The following PCDHA8 variants were observed in gnomAD, a reference collection of about 807,000 sequenced individuals.
PCDHA8 encodes protocadherin alpha-8.
PCDHA8 carries 53 observed loss-of-function variants against 61.8 expected under a neutral mutation model. The ratio of observed to expected loss-of-function variants is 0.86; its 90% CI spans 0.69 to 1.08. The LOEUF is 1.08. Among genes scored for constraint, PCDHA8 ranks in the 50% least tolerant of loss-of-function variants. The pLI is 0.00. For missense variants in PCDHA8, 1,293 were observed against 1,245.0 expected, an observed-to-expected ratio of 1.04 and a Z score of -0.58; for synonymous variants, 618 against 556.6, an observed-to-expected ratio of 1.11 and a Z score of -1.55.
chr5:140,883,960 G>A (rs2059914384), intron 1 of PCDHA8: 1 of 1,613,090 alleles, frequency 6.2e-7, no homozygotes. Context: ...ACGCTCCGGC[G>A]CTGCTGACGC....
At chr5:140,877,374 A>C in intron 1 of PCDHA8, 1 of 1,613,970 alleles carries the variant, frequency 6.2e-7, no homozygotes, top group Non-Finnish European at 8.5e-7. Context: ...TCAGCACGAC[A>C]CGCATCCTGG....
chr5:140,928,276 G>A (rs2153595075), intron 1 of PCDHA8: 2 of 1,614,172 alleles, frequency 1.2e-6, no homozygotes, highest in South Asian at 1.1e-5. Context: ...TGGCCCTGGG[G>A]CCTCTCTAGG....
In PCDHA8 at chr5:140,926,166, C is replaced by G. The variant is rs116217295; in HGVS notation, c.2395-52783C>G. 1.9e-3 allele frequency among the ~76,000 whole-genome samples: 292 copies of G among 151,864 alleles called. 1 individual carries two copies. The highest frequency in any genetic ancestry group is 6.7e-3 in the African/African-American group (280 of 41,552). ...AGCGCGGAAAGCTCTGCAGCAGGAT[C>G]CAGCGCGGAAAGCCCCCCGCAGCAC... On this transcript the variant is annotated intron_variant, in intron 1 of 3. Coordinates refer to ENST00000531613, the MANE Select transcript of PCDHA8 (RefSeq NM_018911.3).
chr5:140,922,722 T>C (rs2153565730), intron 1 of PCDHA8, among the ~76,000 whole-genome samples: 1 of 151,972 alleles, frequency 6.6e-6, no homozygotes, highest in Non-Finnish European at 1.5e-5. Context: ...AAAGAAACAC[T>C]TGACAAGGTT....
chr5:140,885,945 TA>T (rs2060787135), intron 1 of PCDHA8, among the ~76,000 whole-genome samples: 1 of 152,206 alleles, frequency 6.6e-6, no homozygotes, highest in Non-Finnish European at 1.5e-5. Flanking sequence ...TTGACATTTT[TA>T]ATTAAAATTT....
chr5:140,929,077 A>C, intron 1 of PCDHA8: 1 of 1,614,168 alleles, frequency 6.2e-7, no homozygotes, highest in Non-Finnish European at 8.5e-7. Flanking sequence ...GAGGTATGGA[A>C]GTAAGATGGT....
chr5:140,843,512 G>C lies in PCDHA8; in HGVS notation c.2191G>C (p.Gly731Arg), dbSNP rs2150361484. The C allele has an allele frequency of 5.6e-6, 9 of 1,595,848 alleles. No individual in the cohort carries two copies. The highest frequency in any genetic ancestry group is 7.7e-6 in the Non-Finnish European group (9 of 1,165,572). Residue 731 changes from glycine to arginine, a missense_variant, in exon 1 of 4, where the codon GGG (glycine) becomes CGG (arginine). By Grantham distance (125) the Gly-to-Arg change is moderately radical (BLOSUM62 -2). Transcript: ENST00000531613. The part of the protein sequence containing the change: ...LRCSALPTEG[G>R]CRAGKPTLVC... ...GTGCTCAGCACTGCCCACTGAGGGC[G>C]GGTGCCGGGCGGGCAAGCCCACTCT...
intron 1 of PCDHA8, among the ~76,000 whole-genome samples, chr5:140,964,393 C>T (rs782008532): frequency 6.6e-6 from 1 of 152,098 alleles, no homozygotes; most frequent in Admixed American, 6.5e-5. Context: ...GTTTTTCTCC[C>T]AAGACATGAC....
At chr5:140,870,912 C>T (rs1554164817) in intron 1 of PCDHA8, 1 of 1,613,952 alleles carries the variant, frequency 6.2e-7, no homozygotes, top group Admixed American at 1.7e-5. Flanking sequence ...CAGGCTACAA[C>T]GCGTGGCTTT....
At chr5:140,877,649 C>A (rs369703340) in intron 1 of PCDHA8, 1 of 1,613,438 alleles carries the variant, frequency 6.2e-7, no homozygotes, top group Non-Finnish European at 8.5e-7. Context: ...TGCTCAGCGC[C>A]GCCCACCGTG....
chr5:140,843,887 A>T, intron 1 of PCDHA8, 172 bp downstream of exon 1: 2 of 705,148 alleles, frequency 2.8e-6, no homozygotes, highest in Non-Finnish European at 4.7e-6. Context: ...ATAATACAGT[A>T]TTAATCATTC....
Position 141,010,040 on chromosome 5 carries a change from C to G in PCDHA8, c.*103C>G. On this transcript the variant is annotated 3_prime_UTR_variant, in exon 4 of 4. Transcript: ENST00000531613. Reference sequence around the variant, plus strand: ...CCTTTTTCCTATCTACATGAGCCCTCTTAGAGACCTCAGAAATCTGCAGAA... The same window carrying G: ...CCTTTTTCCTATCTACATGAGCCCTGTTAGAGACCTCAGAAATCTGCAGAA... 5.6e-6 allele frequency: 9 copies of G among 1,593,642 alleles called. No individual in the cohort carries two copies. The highest frequency in any genetic ancestry group is 7.7e-6 in the Non-Finnish European group (9 of 1,170,750).
At chr5:140,927,808 T>C (rs782535814) in intron 1 of PCDHA8, 116 of 1,614,090 alleles carry the variant, frequency 7.2e-5, no homozygotes, top group Non-Finnish European at 9.6e-5. Context: ...TGAAACGCTC[T>C]TGGAGGCATA....
chr5:140,843,088 C>G lies in PCDHA8; in HGVS notation c.1767C>G (p.His589Gln), dbSNP rs1554139726. Residue 589 changes from histidine to glutamine, a missense_variant, in exon 1 of 4, where the codon CAC becomes CAG. Coordinates refer to ENST00000531613, the MANE Select transcript of PCDHA8 (RefSeq NM_018911.3). ...KLVPRSVGAGHVVAKVRAVDA... is the reference protein window; with the variant it reads ...KLVPRSVGAGQVVAKVRAVDA... Reference sequence around the variant, plus strand: ...TGCCGCGGTCTGTGGGCGCGGGCCACGTGGTAGCGAAGGTGCGCGCAGTGG... The same window carrying G: ...TGCCGCGGTCTGTGGGCGCGGGCCAGGTGGTAGCGAAGGTGCGCGCAGTGG... The G allele has an allele frequency of 7.5e-6, 12 of 1,595,530 alleles. 2 individuals carry two copies. Among genetic ancestry groups the G allele is most frequent in the African/African-American group, 6.7e-5 (5 of 74,528 alleles).
intron 1 of PCDHA8, among the ~76,000 whole-genome samples, chr5:140,946,757 C>T (rs1179265601): frequency 6.6e-6 from 1 of 151,268 alleles, no homozygotes; most frequent in Non-Finnish European, 1.5e-5. Context: ...ACTGCATGAT[C>T]TCATTCATGT....
At chr5:140,857,887 G>A (rs2044983684) in intron 1 of PCDHA8, 6 of 1,597,818 alleles carry the variant, frequency 3.8e-6, no homozygotes, top group Middle Eastern at 1.7e-4. Flanking sequence ...TGCAGTCGGC[G>A]GCGGTTGGTG....
intron 1 of PCDHA8, chr5:140,850,704 C>G (rs2041773068): frequency 1.3e-6 from 2 of 1,598,020 alleles, no homozygotes; most frequent in Admixed American, 3.4e-5. Context: ...GCCTGGCAAG[C>G]CGACGCTGGT....
chr5:140,951,365 A>G (rs987513388), intron 1 of PCDHA8, among the ~76,000 whole-genome samples: 17 of 152,160 alleles, frequency 1.1e-4, no homozygotes, highest in African/African-American at 4.1e-4. Context: ...ACTGTTATAA[A>G]GAAACACCCA....
intron 1 of PCDHA8, chr5:140,876,526 G>T: frequency 6.2e-7 from 1 of 1,614,164 alleles, no homozygotes; most frequent in Non-Finnish European, 8.5e-7. Context: ...TGAAGTAATG[G>T]TTACTTCACT....
Sources: gnomAD v4.1 joint callset for allele counts (sites outside exome capture counted in the v4.1 genomes callset) on GRCh38, gnomAD v4.1.1 for gene constraint, MANE v1.5 for transcripts, NCBI Gene and HGNC (gene_info 2026-07-23, HGNC 2026-07-21) for gene names.